SPAG16: variants seen among roughly 807,000 people sequenced by gnomAD.
SPAG16 encodes sperm associated antigen 16.
A neutral mutation model predicts 80.4 loss-of-function variants in SPAG16; 86 were observed. That is an observed-to-expected ratio of 1.07 (90% CI 0.90 to 1.28). The LOEUF (loss-of-function observed/expected upper bound fraction) is 1.28, where lower values mean the gene tolerates loss of function less well. SPAG16 is among the 50% of genes most tolerant of loss of function. The pLI is 0.00. For synonymous variants in SPAG16, 294 were observed against 265.9 expected (o/e 1.11, Z -1.03); for missense variants, 870 against 765.3 (o/e 1.14, Z -1.61).
chr2:213,410,598 C>T (rs1295231386), intron 9 of SPAG16, among the ~76,000 whole-genome samples: 1 of 152,216 alleles, frequency 6.6e-6, no homozygotes. Context: ...TAAAACCCTA[C>T]ATTCATTTTA....
intron 10 of SPAG16, among the ~76,000 whole-genome samples, chr2:213,592,475 G>C (rs183416668): frequency 1.3e-5 from 2 of 152,188 alleles, no homozygotes; most frequent in African/African-American, 2.4e-5. Context: ...TCAAACTATT[G>C]GTTGAAAAGT....
chr2:214,057,924 GTT>G (rs552131851), intron 13 of SPAG16, among the ~76,000 whole-genome samples: 22 of 146,994 alleles, frequency 1.5e-4, no homozygotes, highest in Non-Finnish European at 3.0e-4. Flanking sequence ...TCTTCTGAAG[GTT>G]TTTTTTTTTC....
intron 12 of SPAG16, among the ~76,000 whole-genome samples, chr2:213,981,188 A>G (rs957359160): frequency 5.9e-5 from 9 of 152,130 alleles, no homozygotes; most frequent in South Asian, 2.1e-4. Flanking sequence ...GAATGCTGCT[A>G]TAAGAATACA....
At chr2:213,705,601 T>A (rs2125342018) in intron 10 of SPAG16, among the ~76,000 whole-genome samples, 1 of 138,872 alleles carries the variant, frequency 7.2e-6, no homozygotes, top group East Asian at 2.2e-4. Flanking sequence ...ATAACATTAT[T>A]AAGAAAATTT....
At chr2:214,062,033 A>T (rs900039641) in intron 13 of SPAG16, among the ~76,000 whole-genome samples, 1 of 145,046 alleles carries the variant, frequency 6.9e-6, no homozygotes, top group Admixed American at 7.1e-5. Context: ...AGTGTGTAGT[A>T]TTCAGAAGAA....
Position 213,430,699 on chromosome 2 carries a change from A to C in SPAG16, c.942+55580A>C, listed in dbSNP as rs1419290198. On this transcript the variant is annotated intron_variant, in intron 9 of 15. Transcript: ENST00000331683. Reference sequence around the variant, plus strand: ...GAAAACTTCACTAGGCTAGCAATATATTTAGAAATCTAGATACAAGAGGAC... The same window carrying C: ...GAAAACTTCACTAGGCTAGCAATATCTTTAGAAATCTAGATACAAGAGGAC... Among the ~76,000 whole-genome samples the C allele has an allele frequency of 3.3e-5, 5 of 152,322 alleles. No homozygotes were observed. In the East Asian group the frequency reaches 9.6e-4, roughly 29 times the overall value.
intron 15 of SPAG16, among the ~76,000 whole-genome samples, chr2:214,404,146 G>A (rs1701863459): frequency 6.6e-6 from 1 of 152,194 alleles, no homozygotes; most frequent in Non-Finnish European, 1.5e-5. Flanking sequence ...ATGTAAGAGT[G>A]TACTTGAGTT....
chr2:214,192,428 A>AG (rs1451275247), intron 15 of SPAG16, among the ~76,000 whole-genome samples: 1 of 152,102 alleles, frequency 6.6e-6, no homozygotes, highest in East Asian at 1.9e-4. Flanking sequence ...TTAGAAAAAA[A>AG]TGGAGATTTG....
At chr2:214,107,042 A>G (rs368202615) in intron 13 of SPAG16, among the ~76,000 whole-genome samples, 3 of 151,808 alleles carry the variant, frequency 2.0e-5, no homozygotes, top group East Asian at 1.9e-4. Flanking sequence ...CCCTTACTAT[A>G]CTTTCATTCT....
intron 10 of SPAG16, among the ~76,000 whole-genome samples, chr2:213,526,997 C>G (rs759344077): frequency 5.3e-5 from 8 of 152,200 alleles, no homozygotes; most frequent in Non-Finnish European, 1.0e-4. Context: ...GAGAAGATGA[C>G]TGTACAGTCT....
intron 12 of SPAG16, among the ~76,000 whole-genome samples, chr2:213,943,554 A>G (rs189310524): frequency 6.6e-6 from 1 of 152,192 alleles, no homozygotes; most frequent in Non-Finnish European, 1.5e-5. Flanking sequence ...AATTGTATTC[A>G]TGTTCTAGTA....
intron 15 of SPAG16, among the ~76,000 whole-genome samples, chr2:214,231,495 T>C (rs1688700747): frequency 6.6e-6 from 1 of 152,038 alleles, no homozygotes; most frequent in African/African-American, 2.4e-5. Context: ...ATAAGTATTG[T>C]ATAACGATAC....
At chr2:213,598,474 A>C (rs553889855) in intron 10 of SPAG16, among the ~76,000 whole-genome samples, 1 of 152,312 alleles carries the variant, frequency 6.6e-6, no homozygotes, top group South Asian at 2.1e-4. Context: ...GCTTCATTAG[A>C]GTGTAAAATT....
intron 13 of SPAG16, among the ~76,000 whole-genome samples, chr2:214,062,422 A>G: frequency 7.1e-6 from 1 of 141,378 alleles, no homozygotes; most frequent in South Asian, 2.1e-4. Flanking sequence ...CTGACTCAAA[A>G]AAAAAAAAAA....
intron 11 of SPAG16, among the ~76,000 whole-genome samples, chr2:213,874,921 A>C (rs1399849183): frequency 1.3e-5 from 2 of 152,106 alleles, no homozygotes; most frequent in Non-Finnish European, 2.9e-5. Context: ...GAAAAGTCCC[A>C]GTTTATTCCT....
chr2:213,857,849 A>T (rs546092896), intron 10 of SPAG16, among the ~76,000 whole-genome samples: 17 of 152,364 alleles, frequency 1.1e-4, no homozygotes, highest in African/African-American at 3.8e-4. Flanking sequence ...AAGAGATCAA[A>T]ATATAAACAT....
intron 8 of SPAG16, among the ~76,000 whole-genome samples, chr2:213,370,155 A>G (rs892917751): frequency 5.3e-5 from 8 of 152,242 alleles, no homozygotes; most frequent in Admixed American, 2.0e-4. Context: ...TATTGCAGTC[A>G]TAAAAGTAAC....
At chr2:213,364,310 T>C (rs971546390) in intron 8 of SPAG16, 165 bp downstream of exon 8, 4 of 348,752 alleles carry the variant, frequency 1.1e-5, no homozygotes, top group Admixed American at 4.8e-5. Flanking sequence ...TATCATACTG[T>C]ATGGATTAAT....
intron 10 of SPAG16, among the ~76,000 whole-genome samples, chr2:213,562,747 A>G (rs1217741607): frequency 2.6e-5 from 4 of 152,050 alleles, no homozygotes; most frequent in Middle Eastern, 3.2e-3. Context: ...GGTGAGGCCA[A>G]TGTCATATTT....
Sources: gnomAD v4.1 joint callset for allele counts (sites outside exome capture counted in the v4.1 genomes callset) on GRCh38, gnomAD v4.1.1 for gene constraint, MANE v1.5 for transcripts, NCBI Gene and HGNC (gene_info 2026-07-23, HGNC 2026-07-21) for gene names.